Variants in UNC5D observed in about 807,000 individuals in gnomAD.
UNC5D encodes netrin receptor UNC5D.
UNC5D carries 39 observed loss-of-function variants against 105.4 expected under a neutral mutation model. The observed-to-expected ratio is 0.37, with a 90% CI of 0.29 to 0.48. The LOEUF (loss-of-function observed/expected upper bound fraction) is 0.48, where lower values mean the gene tolerates loss of function less well. UNC5D is among the 20% of genes least tolerant of loss of function. The probability of loss-of-function intolerance (pLI) is 0.98; values close to 1 mark genes in which losing one functional copy is unlikely to be tolerated. For missense variants in UNC5D, 991 were observed against 1,202.4 expected, an observed-to-expected ratio of 0.82 and a Z score of 2.60; for synonymous variants, 452 against 450.4, an observed-to-expected ratio of 1.00 and a Z score of -0.04.
chr8:35,764,178 C>A (rs1801664158), intron 14 of UNC5D, among the ~76,000 whole-genome samples: 1 of 152,092 alleles, frequency 6.6e-6, no homozygotes, highest in African/African-American at 2.4e-5. Flanking sequence ...AGGAGAAGAA[C>A]AATGGCAGAG....
chr8:35,755,461 C>G (rs142762651), intron 13 of UNC5D, among the ~76,000 whole-genome samples: 1 of 144,892 alleles, frequency 6.9e-6, no homozygotes, highest in East Asian at 1.9e-4. Flanking sequence ...AGCACCATAG[C>G]GACATAATTT....
intron 1 of UNC5D, among the ~76,000 whole-genome samples, chr8:35,321,276 G>A (rs1274726741): frequency 6.6e-6 from 1 of 152,070 alleles, no homozygotes; most frequent in African/African-American, 2.4e-5. Context: ...CCTTGATATT[G>A]TTTGGCTATG....
chr8:35,415,788 G>T (rs1203539681), intron 1 of UNC5D, among the ~76,000 whole-genome samples: 5 of 151,986 alleles, frequency 3.3e-5, no homozygotes, highest in African/African-American at 1.2e-4. Context: ...TCCCCTCTCT[G>T]CTCCCTATTC....
At chr8:35,660,265 C>A (rs188799897) in intron 4 of UNC5D, among the ~76,000 whole-genome samples, 213 of 152,280 alleles carry the variant, frequency 1.4e-3, no homozygotes, top group Middle Eastern at 3.4e-3. Flanking sequence ...TTATCTATTA[C>A]GGTTTTGCCT....
At chr8:35,412,719 G>T (rs1805254885) in intron 1 of UNC5D, among the ~76,000 whole-genome samples, 1 of 152,074 alleles carries the variant, frequency 6.6e-6, no homozygotes, top group Non-Finnish European at 1.5e-5. Context: ...CAGTAGGTTG[G>T]CCATTCTGCT....
intron 1 of UNC5D, among the ~76,000 whole-genome samples, chr8:35,465,840 G>A (rs1809264975): frequency 6.6e-6 from 1 of 152,114 alleles, no homozygotes; most frequent in Non-Finnish European, 1.5e-5. Context: ...CAGAGGAGAG[G>A]AGTTAGAGGG....
intron 1 of UNC5D, among the ~76,000 whole-genome samples, chr8:35,246,522 C>T (rs1441890047): frequency 1.3e-5 from 2 of 152,108 alleles, no homozygotes. Context: ...GCACCCTCTG[C>T]CATAGCTCAC....
intron 1 of UNC5D, among the ~76,000 whole-genome samples, chr8:35,471,748 A>C (rs982882699): frequency 6.6e-6 from 1 of 152,160 alleles, no homozygotes. Flanking sequence ...GTTTCCTTTA[A>C]TGAATTACAC....
At chr8:35,401,244 G>A (rs1804439940) in intron 1 of UNC5D, among the ~76,000 whole-genome samples, 1 of 152,140 alleles carries the variant, frequency 6.6e-6, no homozygotes, top group African/African-American at 2.4e-5. Context: ...ACCACTTTGG[G>A]AGACTGAGGT....
At chr8:35,748,746 T>C (rs774700420) in intron 12 of UNC5D, 51 bp downstream of exon 12, 24 of 1,581,396 alleles carry the variant, frequency 1.5e-5, no homozygotes, top group Non-Finnish European at 2.1e-5. Flanking sequence ...GTTCCACCTA[T>C]GGGATATATT....
In UNC5D at chr8:35,722,367, G is replaced by A; in HGVS notation, c.1275G>A (p.Gln425=). 1.9e-6 allele frequency: 3 copies of A among 1,614,052 alleles called. No homozygotes were observed. Among genetic ancestry groups the A allele is most frequent in the Non-Finnish European group, 2.5e-6 (3 of 1,179,998 alleles). Reference sequence around the variant, plus strand: ...CTTCTGCATTGACAGGTGGCTTCCAGACCTTCAACTTCAAAACAGTCCGTC... The same window carrying A: ...CTTCTGCATTGACAGGTGGCTTCCAAACCTTCAACTTCAAAACAGTCCGTC... The part of the protein sequence containing the change: ...IDSSALTGGF[Q]TFNFKTVRQG... Residue 425 remains glutamine, a synonymous_variant, in exon 9 of 17, where the codon CAG becomes CAA. Coordinates refer to ENST00000404895, the MANE Select transcript of UNC5D (RefSeq NM_080872.4).
chr8:35,466,772 T>G (rs1157904061), intron 1 of UNC5D, among the ~76,000 whole-genome samples: 2 of 152,194 alleles, frequency 1.3e-5, no homozygotes, highest in African/African-American at 4.8e-5. Flanking sequence ...GAGGTTGGTA[T>G]TCACATATAT....
intron 1 of UNC5D, among the ~76,000 whole-genome samples, chr8:35,271,742 T>TG (rs1272358094): frequency 3.9e-5 from 5 of 127,462 alleles, no homozygotes; most frequent in African/African-American, 1.2e-4. Context: ...TACATATATA[T>TG]TTATACATGT....
At chr8:35,671,830 CA>C (rs775384141) in intron 4 of UNC5D, among the ~76,000 whole-genome samples, 10 of 152,034 alleles carry the variant, frequency 6.6e-5, no homozygotes, top group Middle Eastern at 6.8e-3. Context: ...ACGATTAACT[CA>C]ATGGCATCTA....
chr8:35,433,039 G>A (rs1388467000), intron 1 of UNC5D, among the ~76,000 whole-genome samples: 5 of 152,118 alleles, frequency 3.3e-5, no homozygotes, highest in Non-Finnish European at 7.4e-5. Flanking sequence ...AAAAGTGTTG[G>A]CACTTAACTT....
chr8:35,712,677 C>G (rs1828032005), intron 8 of UNC5D, among the ~76,000 whole-genome samples: 2 of 152,128 alleles, frequency 1.3e-5, no homozygotes, highest in Non-Finnish European at 2.9e-5. Flanking sequence ...ATGATCTTCA[C>G]CAGGTACAGA....
intron 1 of UNC5D, among the ~76,000 whole-genome samples, chr8:35,420,856 C>A (rs916560720): frequency 6.6e-6 from 1 of 151,872 alleles, no homozygotes; most frequent in African/African-American, 2.4e-5. Context: ...ATAAAAAAAT[C>A]ATTATTACCT....
chr8:35,669,480 T>C (rs1332408884), intron 4 of UNC5D, among the ~76,000 whole-genome samples: 1 of 152,132 alleles, frequency 6.6e-6, no homozygotes, highest in African/African-American at 2.4e-5. Context: ...TTAAATCTAA[T>C]AGCAAGTCGG....
intron 1 of UNC5D, among the ~76,000 whole-genome samples, chr8:35,341,786 A>T (rs945820352): frequency 7.9e-5 from 12 of 152,150 alleles, no homozygotes; most frequent in African/African-American, 2.4e-4. Context: ...CTAATTTTTT[A>T]AAAAATGAGA....
Sources: allele counts gnomAD v4.1 joint callset (sites outside exome capture counted in the v4.1 genomes callset), GRCh38; gene constraint gnomAD v4.1.1; transcripts MANE v1.5; gene names NCBI Gene and HGNC (gene_info 2026-07-23, HGNC 2026-07-21).